LATS2: variants seen among roughly 807,000 people sequenced by gnomAD.
LATS2 encodes large tumor suppressor kinase 2.
A neutral mutation model predicts 76.0 loss-of-function variants in LATS2; 24 were observed. The ratio of observed to expected loss-of-function variants is 0.32; its 90% CI spans 0.23 to 0.44. LATS2 has a LOEUF of 0.44. Ranked by LOEUF, LATS2 falls within the 20% of genes least tolerant of loss-of-function variation. The pLI, the probability that LATS2 is intolerant of heterozygous loss-of-function variation, is 1.00. For missense variants in LATS2, 1,286 were observed against 1,481.2 expected, an observed-to-expected ratio of 0.87 and a Z score of 2.16; for synonymous variants, 692 against 635.4, an observed-to-expected ratio of 1.09 and a Z score of -1.34.
chr13:21,003,296 C>T (rs943872662), intron 2 of LATS2, among the ~76,000 whole-genome samples: 1 of 151,978 alleles, frequency 6.6e-6, no homozygotes, highest in Non-Finnish European at 1.5e-5. Context: ...GCTCAGAGTT[C>T]GGGCTGGAGT....
intron 2 of LATS2, among the ~76,000 whole-genome samples, chr13:20,994,801 T>C (rs1870673363): frequency 6.6e-6 from 1 of 151,094 alleles, no homozygotes; most frequent in African/African-American, 2.4e-5. Flanking sequence ...GGCAGGAGGA[T>C]TGCTTGAGTC....
At chr13:21,000,849 G>A (rs1029908639) in intron 2 of LATS2, among the ~76,000 whole-genome samples, 5 of 152,228 alleles carry the variant, frequency 3.3e-5, no homozygotes, top group South Asian at 4.1e-4. Flanking sequence ...TGTATAAAAT[G>A]TTATGTCTCT....
Position 20,973,494 on chromosome 13 carries a change from A to T in LATS2, c.*1376T>A. 4.4e-6 allele frequency: 1 copy of T among 225,468 alleles called. No homozygotes were observed. The highest frequency in any genetic ancestry group is 2.0e-4 in the South Asian group (1 of 5,086). 14.0% of individuals were successfully genotyped at this position (225,468 alleles called of 1,614,324 possible). ...AATAGGAATCATACTAATTTGAAATAAGGAATATTGTGTTTATCTCTGTGT... is the reference window on the plus strand; with the variant it reads ...AATAGGAATCATACTAATTTGAAATTAGGAATATTGTGTTTATCTCTGTGT... On this transcript the variant is annotated 3_prime_UTR_variant, in exon 8 of 8. Transcript: ENST00000382592.
intron 6 of LATS2, 59 bp downstream of exon 6, chr13:20,981,407 C>T (rs1869872821): frequency 6.7e-7 from 1 of 1,489,482 alleles, no homozygotes; most frequent in African/African-American, 1.4e-5. Context: ...CAGCGAGACT[C>T]AGCTCACGTC....
intron 2 of LATS2, among the ~76,000 whole-genome samples, chr13:20,998,558 C>G (rs1368058203): frequency 6.6e-6 from 1 of 152,154 alleles, no homozygotes; most frequent in East Asian, 1.9e-4. Context: ...TATGAGAACA[C>G]AGGAGCCGAG....
intron 6 of LATS2, among the ~76,000 whole-genome samples, chr13:20,980,256 C>T (rs1027828567): frequency 3.9e-5 from 6 of 152,114 alleles, no homozygotes; most frequent in Admixed American, 2.0e-4. Flanking sequence ...CAAAACCCAC[C>T]GGACAATTCA....
In LATS2 at chr13:20,982,016, T is replaced by G. The variant is rs929087857; in HGVS notation, c.2483-368A>C. Reference sequence around the variant, plus strand: ...AAAGGTAACAACTGCCTGACACATGTTTTAAGATGAGCATGGAAAACTTAG... The same window carrying G: ...AAAGGTAACAACTGCCTGACACATGGTTTAAGATGAGCATGGAAAACTTAG... On this transcript the variant is annotated intron_variant, in intron 5 of 7. Transcript: ENST00000382592. Among the ~76,000 whole-genome samples, 22 of 152,290 alleles carry G rather than the reference T, an allele frequency of 1.4e-4. No homozygotes were observed. The South Asian group carries it at 4.3e-3, about 30-fold the overall frequency.
At chr13:21,039,736 G>A (rs1262154394) in intron 2 of LATS2, among the ~76,000 whole-genome samples, 1 of 152,194 alleles carries the variant, frequency 6.6e-6, no homozygotes, top group Non-Finnish European at 1.5e-5. Context: ...ATGACAATCT[G>A]CCAACACAAT....
chr13:21,003,553 G>A (rs974570271), intron 2 of LATS2, among the ~76,000 whole-genome samples: 5 of 150,878 alleles, frequency 3.3e-5, no homozygotes, highest in South Asian at 4.2e-4. Context: ...CAGTCCTCCC[G>A]CCTCAGCCTC....
rs1870236133 is a variant in LATS2 at position 20,987,970 on chromosome 13, AC to A, written c.1809del (p.Lys603AsnfsTer56). 6.2e-7 allele frequency: 1 copy of A among 1,614,068 alleles called. No homozygotes were observed. Among genetic ancestry groups the A allele is most frequent in the African/African-American group, 1.3e-5 (1 of 74,936 alleles). On this transcript the variant is annotated frameshift_variant, in exon 4 of 8. Transcript: ENST00000382592. LOFTEE classifies it high-confidence loss of function. The part of the protein sequence containing the change: ...RIKSYSPYAF[K>X]FFMEQHVENV... ...TTCTCCACGTGCTGCTCCATGAAGA[AC>A]TTAAAGGCGTATGGCGAGTAGCTCT...
intron 2 of LATS2, among the ~76,000 whole-genome samples, chr13:21,032,190 T>C (rs1218424554): frequency 2.6e-5 from 4 of 152,228 alleles, no homozygotes; most frequent in Non-Finnish European, 5.9e-5. Flanking sequence ...CTCTGTTTTA[T>C]AGGTAAGAGC....
chr13:20,981,614 G>C lies in LATS2; in HGVS notation c.2517C>G (p.Ser839Arg), dbSNP rs771575305. 6.2e-7 allele frequency: 1 copy of C among 1,613,824 alleles called. No individual in the cohort carries two copies. The highest frequency in any genetic ancestry group is 1.1e-5 in the South Asian group (1 of 91,034). Residue 839 changes from serine to arginine, a missense_variant, in exon 6 of 8, where the codon AGC (serine) becomes AGG (arginine). By Grantham distance (110) the Ser-to-Arg change is moderately radical. This residue lies in a region of LATS2 where 247 missense variants were observed against 385.4 expected (regional missense o/e 0.64). Transcript: ENST00000382592. ...AGTTAGACACATCATCCCAGAGGTCGCTGGGCTCCATGCTGTCCTGTCTGA... is the reference window on the plus strand; with the variant it reads ...AGTTAGACACATCATCCCAGAGGTCCCTGGGCTCCATGCTGTCCTGTCTGA... ...SHVRQDSMEP[S>R]DLWDDVSNCR...
rs528818757 is a variant in LATS2, at chr13:20,998,013, C to T, written c.343-6609G>A. On this transcript the variant is annotated intron_variant, in intron 2 of 7. Coordinates refer to ENST00000382592, the MANE Select transcript of LATS2 (RefSeq NM_014572.3). The stretch of plus-strand genomic sequence containing the variant: ...GCTGAAAAAGTAGAAACGGAGCACT[C>T]TGGCCCTATCGTGTCTGCGTGGGCC... Among the ~76,000 whole-genome samples the T allele has an allele frequency of 7.9e-5, 12 of 152,272 alleles. No individual in the cohort carries two copies. In the South Asian group the frequency reaches 2.5e-3, roughly 32 times the overall value.
intron 2 of LATS2, among the ~76,000 whole-genome samples, chr13:21,028,603 G>A (rs1486471285): frequency 2.6e-5 from 4 of 152,002 alleles, no homozygotes; most frequent in African/African-American, 7.2e-5. Flanking sequence ...CTGGAGTCTC[G>A]TTCTGTCACC....
At chr13:21,046,640 T>C (rs952048848) in intron 1 of LATS2, among the ~76,000 whole-genome samples, 4 of 152,228 alleles carry the variant, frequency 2.6e-5, no homozygotes, top group African/African-American at 9.6e-5. Context: ...CTCCTTGTCC[T>C]TCATCCCCAT....
intron 2 of LATS2, among the ~76,000 whole-genome samples, chr13:21,022,863 C>T (rs1298621506): frequency 6.6e-6 from 1 of 152,188 alleles, no homozygotes; most frequent in South Asian, 2.1e-4. Flanking sequence ...TTATTTCCTG[C>T]TTTAAAGGAA....
At position 20,974,242 on chromosome 13, in the gene LATS2, G is replaced by A. The variant is rs770756388; in HGVS notation, c.*628C>T. The A allele has an allele frequency of 4.1e-5, 9 of 221,750 alleles. No homozygotes were observed. The highest frequency in any genetic ancestry group is 6.3e-5 in the Non-Finnish European group (7 of 111,150). The allele number at this position is 221,750 out of a possible 1,614,324, so 13.7% of individuals were successfully genotyped here. On this transcript the variant is annotated 3_prime_UTR_variant, in exon 8 of 8. Coordinates refer to ENST00000382592, the MANE Select transcript of LATS2 (RefSeq NM_014572.3). ...AGTACTCTCCACACACCAGACGTCGGAAATCACAGCCACATCATCACCTTG... is the reference window on the plus strand; with the variant it reads ...AGTACTCTCCACACACCAGACGTCGAAAATCACAGCCACATCATCACCTTG...
Position 20,975,127 on chromosome 13 carries a change from G to C in LATS2, c.3010C>G (p.Pro1004Ala). The C allele has an allele frequency of 6.2e-7, 1 of 1,614,196 alleles. No individual in the cohort carries two copies. Among genetic ancestry groups the C allele is most frequent in the Non-Finnish European group, 8.5e-7 (1 of 1,180,038 alleles). The stretch of plus-strand genomic sequence containing the variant: ...TTCCAAGGGCTTTCTTCATCTACGG[G>C]GTCGAAATTCGAGGTGTCCATGGGG... ...SHPMDTSNFDPVDEESPWNDA... is the reference protein window; with the variant it reads ...SHPMDTSNFDAVDEESPWNDA... Residue 1004 changes from proline (P) to alanine (A), a missense_variant, in exon 8 of 8, where the codon CCC becomes GCC. By Grantham distance (27) the Pro-to-Ala change is conservative (BLOSUM62 -1). Around this residue, in one of 5 missense-constraint regions of LATS2, gnomAD observed 210 missense variants for 234.9 expected, o/e 0.89. Transcript: ENST00000382592.
rs144509764 is a variant in LATS2 at position 21,032,912 on chromosome 13, G to T, written c.342+12773C>A. 6.1e-4 allele frequency among the ~76,000 whole-genome samples: 93 copies of T among 152,274 alleles called. 2 individuals are homozygous for T. The highest frequency in any genetic ancestry group is 2.0e-3 in the African/African-American group (82 of 41,550). ...AGTGTGGGAGAAAACCTCATAGCCT[G>T]GTGGCAGGGGAGGTGCAGAGGGCAG... On this transcript the variant is annotated intron_variant, in intron 2 of 7. Transcript: ENST00000382592.
Sources: allele counts gnomAD v4.1 joint callset (sites outside exome capture counted in the v4.1 genomes callset), GRCh38; gene constraint gnomAD v4.1.1; regional missense constraint gnomAD v4.1.1; transcripts MANE v1.5; gene names NCBI Gene and HGNC (gene_info 2026-07-23, HGNC 2026-07-21).